The following CAND2 variants were observed in gnomAD, a reference collection of about 807,000 sequenced individuals.
The protein encoded by CAND2 is cullin-associated NEDD8-dissociated protein 2.
In CAND2, 62 loss-of-function variants were observed where a neutral mutation model predicts 98.9. The observed-to-expected ratio is 0.63, with a 90% CI of 0.51 to 0.77. The LOEUF (loss-of-function observed/expected upper bound fraction) is 0.77. Among genes scored for constraint, CAND2 ranks in the 30% least tolerant of loss-of-function variants. CAND2 has a pLI of 0.00. For missense variants in CAND2, 1,501 were observed against 1,655.2 expected, an observed-to-expected ratio of 0.91 and a Z score of 1.62; for synonymous variants, 770 against 731.9, an observed-to-expected ratio of 1.05 and a Z score of -0.84.
intron 2 of CAND2, among the ~76,000 whole-genome samples, chr3:12,805,760 ATAAT>A (rs534227255): frequency 3.5e-4 from 54 of 152,368 alleles, no homozygotes; most frequent in African/African-American, 1.2e-3. Context: ...TTAGACTCAG[ATAAT>A]TATAGAAAGG....
intron 14 of CAND2, among the ~76,000 whole-genome samples, chr3:12,831,905 A>T (rs1381726474): frequency 6.6e-6 from 1 of 152,166 alleles, no homozygotes; most frequent in Admixed American, 6.5e-5. Context: ...ATTGAGCCTG[A>T]TAGGTTCCCT....
At chr3:12,824,243 A>T (rs768945353) in intron 11 of CAND2, among the ~76,000 whole-genome samples, 14 of 152,338 alleles carry the variant, frequency 9.2e-5, no homozygotes, top group Middle Eastern at 6.8e-3. Context: ...TAATAAAAAA[A>T]TTTTTTTTAA....
At chr3:12,807,523 A>C in intron 3 of CAND2, 63 bp downstream of exon 3, 1 of 1,418,494 alleles carries the variant, frequency 7.0e-7, no homozygotes, top group Non-Finnish European at 9.4e-7. Flanking sequence ...AAAAAAACAA[A>C]CGAAAAAACA....
intron 7 of CAND2, among the ~76,000 whole-genome samples, chr3:12,814,058 C>G (rs1398163057): frequency 6.6e-6 from 1 of 152,206 alleles, no homozygotes; most frequent in Non-Finnish European, 1.5e-5. Flanking sequence ...CCTTGAATGC[C>G]AAGCCAGGGA....
At chr3:12,817,985 G>T in intron 10 of CAND2, 109 bp downstream of exon 10, 1 of 1,023,584 alleles carries the variant, frequency 9.8e-7, no homozygotes, top group Admixed American at 3.0e-5. Flanking sequence ...CTGGATACAA[G>T]AATCACGGTA....
intron 13 of CAND2, 100 bp downstream of exon 13, chr3:12,827,704 C>A: frequency 1.7e-6 from 2 of 1,148,270 alleles, no homozygotes; most frequent in South Asian, 1.8e-5. Context: ...CTACTCCAGG[C>A]ACCCAATGAA....
chr3:12,825,176 A>G (rs1178194910), intron 11 of CAND2, among the ~76,000 whole-genome samples: 1 of 151,336 alleles, frequency 6.6e-6, no homozygotes, highest in Admixed American at 6.6e-5. Flanking sequence ...AGACAGTCCC[A>G]TAGCATAGGT....
chr3:12,815,239 C>G lies in CAND2; in HGVS notation c.1105C>G (p.Leu369Val), dbSNP rs750422743. 6.2e-7 allele frequency: 1 copy of G among 1,613,898 alleles called. No individual in the cohort carries two copies. The highest frequency in any genetic ancestry group is 1.1e-5 in the South Asian group (1 of 91,086). The stretch of plus-strand genomic sequence containing the variant: ...AGCCTTGATCAGCTCGCGGCCTGAC[C>G]TGCTGCCCGATTTCCACTGCACCCT... ...IAALISSRPDLLPDFHCTLAP... is the reference protein window; with the variant it reads ...IAALISSRPDVLPDFHCTLAP... Residue 369 changes from leucine to valine, a missense_variant, in exon 8 of 15, where the codon CTG becomes GTG. Physicochemically the swap from Leu to Val is conservative, Grantham distance 32. Around this residue, in one of 3 missense-constraint regions of CAND2, gnomAD observed 1,427 missense variants for 1,545.3 expected, o/e 0.92. Transcript: ENST00000456430. The surrounding 1 kb of genome is among the most constrained non-coding windows in gnomAD (Gnocchi z 5.7).
chr3:12,826,556 T>C (rs2062001424), intron 12 of CAND2, among the ~76,000 whole-genome samples: 2 of 151,866 alleles, frequency 1.3e-5, no homozygotes, highest in African/African-American at 4.8e-5. Flanking sequence ...GCCTCCTGAG[T>C]AGCTGGGACT....
intron 14 of CAND2, among the ~76,000 whole-genome samples, chr3:12,833,269 TAC>T (rs2124878398): frequency 6.6e-6 from 1 of 152,282 alleles, no homozygotes; most frequent in African/African-American, 2.4e-5. Flanking sequence ...TTGGGGTGCT[TAC>T]ACTCCGGCTG....
chr3:12,808,675 GA>G (rs2124842154), intron 4 of CAND2, among the ~76,000 whole-genome samples: 1 of 152,320 alleles, frequency 6.6e-6, no homozygotes, highest in South Asian at 2.1e-4. Context: ...CAACAGTAAG[GA>G]TAAGAGCAGG....
At position 12,807,311 on chromosome 3, in the gene CAND2, G is replaced by T; in HGVS notation, c.218G>T (p.Gly73Val). Residue 73 changes from glycine (G) to valine (V), a missense_variant, in exon 3 of 15, where the codon GGT (glycine) becomes GTT (valine). This residue lies in a region of CAND2 where 12 missense variants were observed against 32.6 expected (regional missense o/e 0.37). Coordinates refer to ENST00000456430, the MANE Select transcript of CAND2 (RefSeq NM_001162499.2). ...EVQNLAVKCL[G>V]PLVVKVKEYQ... ...CCTTCCCACTCCCTGCTCAGCCTGGGTCCTCTGGTGGTCAAAGTGAAGGAG... is the reference window on the plus strand; with the variant it reads ...CCTTCCCACTCCCTGCTCAGCCTGGTTCCTCTGGTGGTCAAAGTGAAGGAG... 1 of 1,551,406 alleles carries T rather than the reference G, an allele frequency of 6.4e-7. No homozygotes were observed. Among genetic ancestry groups the T allele is most frequent in the African/African-American group, 1.4e-5 (1 of 73,138 alleles).
intron 13 of CAND2, among the ~76,000 whole-genome samples, chr3:12,828,944 T>C (rs745914733): frequency 6.6e-6 from 1 of 152,192 alleles, no homozygotes; most frequent in African/African-American, 2.4e-5. Context: ...GTTTACCCAT[T>C]CATCCATCGC....
Position 12,813,537 on chromosome 3 carries a change from C to G in CAND2, c.1006+149C>G, listed in dbSNP as rs897324900. 5 of 696,896 alleles carry G rather than the reference C, an allele frequency of 7.2e-6. No homozygotes were observed. In the African/African-American group the frequency reaches 7.2e-5, roughly 10 times the overall value. The allele number at this position is 696,896 out of a possible 1,614,324, so 43.2% of individuals were successfully genotyped here. A position where few individuals can be genotyped will look rare whatever the true frequency, so the allele number is the denominator to read the frequency against. On this transcript the variant is annotated intron_variant, in intron 7 of 14. Transcript: ENST00000456430. ...TCCAGTCCCACCCGCTGTGACTGCA[C>G]AGACCACAGTAATGATAGTAGTCAT...
chr3:12,802,384 T>C (rs1005985940), intron 1 of CAND2, among the ~76,000 whole-genome samples: 2 of 152,226 alleles, frequency 1.3e-5, no homozygotes, highest in Admixed American at 6.5e-5. Flanking sequence ...TGTTGTGAGA[T>C]GTGGATGATG....
In CAND2 at chr3:12,817,133, G is replaced by A; in HGVS notation, c.2201G>A (p.Gly734Asp). Reference protein sequence around the residue: ...AQPASLVEVSGPVLSELLRLL... With the variant: ...AQPASLVEVSDPVLSELLRLL... ...CCAGCCTCTTTGGTGGAGGTCAGTG[G>A]CCCTGTGCTCTCAGAGCTGCTGCGG... The change falls in exon 10 of 15, where the codon GGC (glycine) becomes GAC (aspartate). Residue 734 changes from glycine (G) to aspartate (D), a missense_variant. Gly to Asp is a moderately conservative substitution (Grantham distance 94). Coordinates refer to ENST00000456430, the MANE Select transcript of CAND2 (RefSeq NM_001162499.2). The A allele has an allele frequency of 6.2e-7, 1 of 1,612,972 alleles. No homozygotes were observed. The highest frequency in any genetic ancestry group is 8.5e-7 in the Non-Finnish European group (1 of 1,180,000).
rs919436967 is a variant in CAND2, at chr3:12,834,187, T to G, written c.*205T>G. 2.4e-5 allele frequency: 14 copies of G among 591,404 alleles called. No individual in the cohort carries two copies. The highest frequency in any genetic ancestry group is 3.0e-5 in the Non-Finnish European group (10 of 332,146). 36.6% of individuals were successfully genotyped at this position (591,404 alleles called of 1,614,324 possible). On this transcript the variant is annotated 3_prime_UTR_variant, in exon 15 of 15. Transcript: ENST00000456430. ...GCCCAAGCTGTGAGGCTGCCAACAG[T>G]TGGGCCCCTTCCTTAACTCAGGACA...
chr3:12,820,220 C>CT (rs747590029), intron 11 of CAND2, 39 bp downstream of exon 11: 3 of 1,459,438 alleles, frequency 2.1e-6, no homozygotes, highest in Admixed American at 3.4e-5. Flanking sequence ...TTGTTCAGTG[C>CT]CCCCACCCAG....
intron 5 of CAND2, among the ~76,000 whole-genome samples, chr3:12,812,390 A>ATTTTTT (rs35620069): frequency 7.5e-5 from 5 of 66,728 alleles, no homozygotes; most frequent in African/African-American, 7.2e-5. Context: ...TGCCCGGCTA[A>ATTTTTT]TTTTTTTTTT....
Sources: gnomAD v4.1 joint callset for allele counts (sites outside exome capture counted in the v4.1 genomes callset) on GRCh38, gnomAD v4.1.1 for gene constraint, gnomAD v4.1.1 regional missense constraint, Gnocchi (gnomAD v3.1) non-coding constraint, MANE v1.5 for transcripts, NCBI Gene and HGNC (gene_info 2026-07-23, HGNC 2026-07-21) for gene names.